SNRNP35: variants seen among roughly 807,000 people sequenced by gnomAD.
SNRNP35 encodes U11/U12 small nuclear ribonucleoprotein 35 kDa protein.
In SNRNP35, 16 loss-of-function variants were observed where a neutral mutation model predicts 24.3. That is an observed-to-expected ratio of 0.66 (90% CI 0.45 to 1.00). The LOEUF is 1.00. Ranked by LOEUF, SNRNP35 falls within the 50% of genes least tolerant of loss-of-function variation. The probability of loss-of-function intolerance (pLI) is 0.00; values close to 1 mark genes in which losing one functional copy is unlikely to be tolerated. For synonymous variants in SNRNP35, 106 were observed against 124.8 expected (o/e 0.85, Z 1.00); for missense variants, 292 against 327.2 (o/e 0.89, Z 0.83).
In SNRNP35 at chr12:123,466,911, C is replaced by A; in HGVS notation, c.*630C>A. On this transcript the variant is annotated 3_prime_UTR_variant, in exon 2 of 2. Coordinates refer to ENST00000526639, the MANE Select transcript of SNRNP35 (RefSeq NM_022717.4). ...TTAGCCTCCCAAAGTGCTGGGATTA[C>A]AGGCATAAGCCACTGCGCCCAGCCA... is the stretch of plus-strand genomic sequence containing the variant. 1 of 147,798 alleles carries A rather than the reference C, an allele frequency of 6.8e-6. No homozygotes were observed. The highest frequency in any genetic ancestry group is 1.5e-5 in the Non-Finnish European group (1 of 67,618). 9.2% of individuals were successfully genotyped at this position (147,798 alleles called of 1,614,324 possible). A position where few individuals can be genotyped will look rare whatever the true frequency, so the allele number is the denominator to read the frequency against.
intron 1 of SNRNP35, among the ~76,000 whole-genome samples, chr12:123,460,992 G>A (rs1490959319): frequency 3.4e-5 from 4 of 116,034 alleles, no homozygotes; most frequent in Admixed American, 1.1e-4. Context: ...TAAAAACAGA[G>A]ACAGGGTCTC....
chr12:123,458,525 C>G (rs1458793159), intron 1 of SNRNP35, among the ~76,000 whole-genome samples: 2 of 151,688 alleles, frequency 1.3e-5, no homozygotes, highest in African/African-American at 4.8e-5. Flanking sequence ...CCGAGGCCCA[C>G]TGCGCATGCC....
At chr12:123,472,766 G>T in exon 2 of SNRNP35, 4 of 1,440,676 alleles carry the variant, frequency 2.8e-6, no homozygotes, top group Non-Finnish European at 3.8e-6. Flanking sequence ...GAGACATATA[G>T]CAGCAAACTT....
chr12:123,466,349 G>A lies in SNRNP35; in HGVS notation c.*68G>A, dbSNP rs1880985482. On this transcript the variant is annotated 3_prime_UTR_variant, in exon 2 of 2. Coordinates refer to ENST00000526639, the MANE Select transcript of SNRNP35 (RefSeq NM_022717.4). Reference sequence around the variant, plus strand: ...GAGTGGAGGGGGATTGTCTTTCAACGCAGCGTGAGTCTAATGGTTGAATAA... The same window carrying A: ...GAGTGGAGGGGGATTGTCTTTCAACACAGCGTGAGTCTAATGGTTGAATAA... 5.6e-6 allele frequency: 8 copies of A among 1,433,784 alleles called. No homozygotes were observed. The highest frequency in any genetic ancestry group is 1.5e-5 in the South Asian group (1 of 67,828). The allele number at this position is 1,433,784 out of a possible 1,614,324, so 88.8% of individuals were successfully genotyped here.
intron 1 of SNRNP35, chr12:123,459,933 G>A: frequency 7.2e-7 from 1 of 1,382,040 alleles, no homozygotes; most frequent in Non-Finnish European, 1.0e-6. Context: ...AGATGAGAGA[G>A]AGAACAAAAT....
chr12:123,458,460 G>A (rs1473525584), intron 1 of SNRNP35, among the ~76,000 whole-genome samples: 1 of 152,086 alleles, frequency 6.6e-6, no homozygotes, highest in Non-Finnish European at 1.5e-5. Context: ...TGGCGGCCAG[G>A]CTGCAGGCTG....
At chr12:123,469,177 CAG>C (rs1311951216), downstream of SNRNP35, among the ~76,000 whole-genome samples, 2 of 151,552 alleles carry the variant, frequency 1.3e-5, no homozygotes, top group Non-Finnish European at 2.9e-5. Context: ...TTTTTTGAGA[CAG>C]AGTCTCGCTC....
chr12:123,469,710 C>G (rs1324031567), downstream of SNRNP35, among the ~76,000 whole-genome samples: 8 of 151,906 alleles, frequency 5.3e-5, no homozygotes, highest in Admixed American at 5.3e-4. Flanking sequence ...GCTATGTCAC[C>G]TAGGTTTGTC....
chr12:123,466,986 A>C (rs2139292729), downstream of SNRNP35: 1 of 152,340 alleles, frequency 6.6e-6, no homozygotes, highest in African/African-American at 2.4e-5. Context: ...GGCAGTAGGA[A>C]TTTGATTTTC....
At chr12:123,468,362 A>AC, downstream of SNRNP35, among the ~76,000 whole-genome samples, 2 of 147,398 alleles carry the variant, frequency 1.4e-5, no homozygotes, top group African/African-American at 5.0e-5. Flanking sequence ...CTGTCTCAAA[A>AC]AAAAAAAAAA....
Position 123,465,894 on chromosome 12 carries a change from C to A in SNRNP35, c.354C>A (p.Asp118Glu). 1.2e-6 allele frequency: 2 copies of A among 1,613,828 alleles called. No homozygotes were observed. The highest frequency in any genetic ancestry group is 1.7e-6 in the Non-Finnish European group (2 of 1,180,000). ...GAGATGCTGATGGCCTGGTTATTGA[C>A]CAGCATGAGATATTTGTGGACTACG... ...AYRDADGLVI[D>E]QHEIFVDYEL... The change falls in exon 2 of 2, where the codon GAC becomes GAA. Residue 118 changes from aspartate to glutamate, a missense_variant. Physicochemically the swap from Asp to Glu is conservative, Grantham distance 45. Transcript: ENST00000526639. The surrounding 1 kb of genome is among the most constrained non-coding windows in gnomAD (Gnocchi z 4.2).
downstream of SNRNP35, chr12:123,471,223 AC>A (rs1881176258): frequency 1.3e-5 from 2 of 151,680 alleles, no homozygotes; most frequent in African/African-American, 2.4e-5. Flanking sequence ...GGCATGCACC[AC>A]CTCGCCTGGC....
intron 1 of SNRNP35, among the ~76,000 whole-genome samples, chr12:123,461,647 G>A (rs928116376): frequency 3.9e-5 from 6 of 151,998 alleles, no homozygotes; most frequent in African/African-American, 1.4e-4. Context: ...ACCATGTGGT[G>A]GTAAACAGTG....
In SNRNP35 at chr12:123,465,574, G is replaced by A; in HGVS notation, c.34G>A (p.Asp12Asn). ...NDWMPIAKEY[D>N]PLKAGSIDGT... ...TTGGATGCCCATCGCCAAGGAGTAT[G>A]ATCCACTCAAAGCGGGCAGCATTGA... Residue 12 changes from aspartate (D) to asparagine (N), a missense_variant, in exon 2 of 2, where the codon GAT becomes AAT. Physicochemically the swap from Asp to Asn is conservative, Grantham distance 23 (BLOSUM62 1). Coordinates refer to ENST00000526639, the MANE Select transcript of SNRNP35 (RefSeq NM_022717.4). This position sits in a 1 kb window ranked among gnomAD's most constrained non-coding sequence, Gnocchi z 4.2. 1 of 1,578,542 alleles carries A rather than the reference G, an allele frequency of 6.3e-7. No individual in the cohort carries two copies. Among genetic ancestry groups the A allele is most frequent in the Non-Finnish European group, 8.6e-7 (1 of 1,163,420 alleles).
chr12:123,466,195 G>A lies in SNRNP35; in HGVS notation c.655G>A (p.Val219Met), dbSNP rs1271761981. Residue 219 changes from valine (V) to methionine (M), a missense_variant, in exon 2 of 2, where the codon GTG becomes ATG. Physicochemically the swap from Val to Met is conservative, Grantham distance 21 (BLOSUM62 1). Coordinates refer to ENST00000526639, the MANE Select transcript of SNRNP35 (RefSeq NM_022717.4). ...KRWQEREPTR[V>M]WPDNDWERER... ...ATGGCAAGAAAGAGAGCCGACCAGG[G>A]TGTGGCCCGACAATGACTGGGAGAG... 4 of 1,592,204 alleles carry A rather than the reference G, an allele frequency of 2.5e-6. No individual in the cohort carries two copies. The highest frequency in any genetic ancestry group is 2.3e-5 in the South Asian group (2 of 87,368).
chr12:123,460,602 C>CAAAAAAAA (rs35255989), intron 1 of SNRNP35, among the ~76,000 whole-genome samples: 1 of 78,692 alleles, frequency 1.3e-5, no homozygotes, highest in Non-Finnish European at 2.2e-5. Context: ...CCCATCTCTA[C>CAAAAAAAA]AAAAAAAAAA....
In SNRNP35 at chr12:123,465,910, G is replaced by C. The variant is rs374269701; in HGVS notation, c.370G>C (p.Val124Leu). The change falls in exon 2 of 2, where the codon GTG becomes CTG. Residue 124 changes from valine to leucine, a missense_variant. Coordinates refer to ENST00000526639, the MANE Select transcript of SNRNP35 (RefSeq NM_022717.4). The surrounding 1 kb of genome is among the most constrained non-coding windows in gnomAD (Gnocchi z 4.2). ...GLVIDQHEIF[V>L]DYELERTLKG... is the part of the protein sequence containing the mutation. Reference sequence around the variant, plus strand: ...GGTTATTGACCAGCATGAGATATTTGTGGACTACGAGCTGGAAAGGACTCT... The same window carrying C: ...GGTTATTGACCAGCATGAGATATTTCTGGACTACGAGCTGGAAAGGACTCT... 1 of 1,613,848 alleles carries C rather than the reference G, an allele frequency of 6.2e-7. No individual in the cohort carries two copies. Among genetic ancestry groups the C allele is most frequent in the African/African-American group, 1.3e-5 (1 of 74,868 alleles).
chr12:123,459,575 A>C (rs552437672), intron 1 of SNRNP35: 32 of 332,810 alleles, frequency 9.6e-5, no homozygotes, highest in Admixed American at 4.4e-5. Context: ...GTCATCTGAC[A>C]TCAGGAGTTT....
chr12:123,459,105 T>A (rs1880456438), intron 1 of SNRNP35: 1 of 137,156 alleles, frequency 7.3e-6, no homozygotes, highest in Admixed American at 6.9e-5. Context: ...GGAGAATTGA[T>A]TATTGATTGA....
Sources: allele counts gnomAD v4.1 joint callset (sites outside exome capture counted in the v4.1 genomes callset), GRCh38; gene constraint gnomAD v4.1.1; non-coding constraint Gnocchi (gnomAD v3.1); transcripts MANE v1.5; gene names NCBI Gene and HGNC (gene_info 2026-07-23, HGNC 2026-07-21).